LHFPL3: variants seen among roughly 807,000 people sequenced by gnomAD.
LHFPL3 encodes LHFPL tetraspan subfamily member 3.
Under a neutral mutation model 19.3 loss-of-function variants are expected in LHFPL3, and 5 were observed. The observed-to-expected ratio is 0.26, with a 90% confidence interval of 0.14 to 0.54. The LOEUF is 0.54. LHFPL3 is among the 20% of genes least tolerant of loss of function. The probability of loss-of-function intolerance (pLI) is 0.94; values close to 1 mark genes in which losing one functional copy is unlikely to be tolerated. For synonymous variants in LHFPL3, 133 were observed against 126.2 expected (o/e 1.05, Z -0.36); for missense variants, 249 against 307.4 (o/e 0.81, Z 1.42).
intron 1 of LHFPL3, among the ~76,000 whole-genome samples, chr7:104,575,581 A>AAAAAAAAAAAAAAAAAAAAAAAAAAC (rs1790322155): frequency 6.7e-6 from 1 of 149,702 alleles, no homozygotes; most frequent in South Asian, 2.1e-4. Flanking sequence ...AAAAAAAAAA[A>AAAAAAAAAAAAAAAAAAAAAAAAAAC]AAAAACAGAA....
chr7:104,396,803 A>G (rs1791197379), intron 1 of LHFPL3, among the ~76,000 whole-genome samples: 1 of 151,980 alleles, frequency 6.6e-6, no homozygotes, highest in Non-Finnish European at 1.5e-5. Context: ...CCAAAAACAC[A>G]CACACACACA....
At chr7:104,659,336 C>A (rs1792179286) in intron 1 of LHFPL3, among the ~76,000 whole-genome samples, 1 of 152,208 alleles carries the variant, frequency 6.6e-6, no homozygotes, top group African/African-American at 2.4e-5. Flanking sequence ...TCTGCCAGCA[C>A]CTGGAATTTA....
chr7:104,631,027 C>A (rs1357164421), intron 1 of LHFPL3, among the ~76,000 whole-genome samples: 3 of 152,124 alleles, frequency 2.0e-5, no homozygotes, highest in Non-Finnish European at 2.9e-5. Context: ...CCTTTCAGAA[C>A]TTGCTGAAAT....
intron 1 of LHFPL3, among the ~76,000 whole-genome samples, chr7:104,627,146 C>T (rs1051558208): frequency 6.6e-6 from 1 of 152,056 alleles, no homozygotes; most frequent in South Asian, 2.1e-4. Flanking sequence ...ACCCCCGGGC[C>T]CTGGTAACCA....
At chr7:104,677,910 G>A (rs889548344) in intron 1 of LHFPL3, among the ~76,000 whole-genome samples, 5 of 152,126 alleles carry the variant, frequency 3.3e-5, no homozygotes, top group South Asian at 2.1e-4. Flanking sequence ...TTAAATTTAC[G>A]GAACCACGTG....
intron 1 of LHFPL3, among the ~76,000 whole-genome samples, chr7:104,516,798 T>C (rs1266076484): frequency 1.3e-5 from 2 of 152,094 alleles, no homozygotes; most frequent in Non-Finnish European, 2.9e-5. Context: ...TTACTGAATA[T>C]ATACCCAAAG....
chr7:104,823,389 A>C (rs1414312097), intron 2 of LHFPL3, among the ~76,000 whole-genome samples: 1 of 152,240 alleles, frequency 6.6e-6, no homozygotes, highest in Non-Finnish European at 1.5e-5. Context: ...GGACCAGGTG[A>C]TCTCTTAAGG....
At chr7:104,559,766 A>G (rs937400757) in intron 1 of LHFPL3, among the ~76,000 whole-genome samples, 4 of 151,692 alleles carry the variant, frequency 2.6e-5, no homozygotes, top group African/African-American at 9.8e-5. Context: ...GCCAGTTTTC[A>G]GAGGGAATGC....
At chr7:104,338,951 T>C (rs577857812) in intron 1 of LHFPL3, among the ~76,000 whole-genome samples, 1 of 152,274 alleles carries the variant, frequency 6.6e-6, no homozygotes, top group East Asian at 1.9e-4. Context: ...ATTTTCTTGA[T>C]TAAGAAATAA....
intron 1 of LHFPL3, among the ~76,000 whole-genome samples, chr7:104,442,540 A>G (rs1562898901): frequency 6.6e-6 from 1 of 152,174 alleles, no homozygotes; most frequent in Non-Finnish European, 1.5e-5. Flanking sequence ...TTTGTCAACT[A>G]TTATCTTTTC....
rs1468627294 is a variant in LHFPL3 at position 104,417,881 on chromosome 7, C to CT, written c.445+88659dup. Reference sequence around the variant, plus strand: ...AATTCTTCTTCTTCTTCTTCTTCTTCTTCTTTTTTTTTTTTTTTTGAGATG... The same window carrying CT: ...AATTCTTCTTCTTCTTCTTCTTCTTCTTTCTTTTTTTTTTTTTTTTGAGATG... On this transcript the variant is annotated intron_variant, in intron 1 of 2. Coordinates refer to ENST00000424859, the MANE Select transcript of LHFPL3 (RefSeq NM_199000.3). 2.2e-3 allele frequency among the ~76,000 whole-genome samples: 257 copies of CT among 115,436 alleles called. 2 individuals carry two copies. Among genetic ancestry groups the CT allele is most frequent in the African/African-American group, 8.9e-3 (245 of 27,662 alleles). The allele number at this position is 115,436 out of a possible 152,430, so 75.7% of individuals were successfully genotyped here. A position where few individuals can be genotyped will look rare whatever the true frequency, so the allele number is the denominator to read the frequency against.
intron 2 of LHFPL3, among the ~76,000 whole-genome samples, chr7:104,745,923 C>T (rs10233034): frequency 0.3 from 45,479 of 152,040 alleles, 7,557 homozygotes; most frequent in East Asian, 0.67. Context: ...AATGTCCCCT[C>T]TCATCTATAT....
chr7:104,752,039 G>A (rs376740764), intron 2 of LHFPL3, among the ~76,000 whole-genome samples: 3,046 of 152,134 alleles, frequency 0.02, 46 homozygotes, highest in Non-Finnish European at 0.033. Context: ...TTCAGCCGGC[G>A]GCCAGTATTG....
At chr7:104,781,901 G>T (rs77861394) in intron 2 of LHFPL3, among the ~76,000 whole-genome samples, 4 of 152,184 alleles carry the variant, frequency 2.6e-5, no homozygotes, top group Non-Finnish European at 5.9e-5. Flanking sequence ...TGCTTCCTCT[G>T]TCTGCCACTT....
At chr7:104,846,020 G>A (rs985527476) in intron 2 of LHFPL3, among the ~76,000 whole-genome samples, 16 of 152,314 alleles carry the variant, frequency 1.1e-4, no homozygotes, top group East Asian at 3.9e-4. Context: ...ATGGAAACAC[G>A]TATATATGTG....
intron 1 of LHFPL3, among the ~76,000 whole-genome samples, chr7:104,724,220 G>A (rs1278755718): frequency 2.0e-5 from 3 of 152,166 alleles, no homozygotes; most frequent in Non-Finnish European, 4.4e-5. Flanking sequence ...AAGCATTAAT[G>A]TGGAATATAA....
chr7:104,561,400 C>CT (rs1206057675), intron 1 of LHFPL3, among the ~76,000 whole-genome samples: 1 of 150,036 alleles, frequency 6.7e-6, no homozygotes, highest in Non-Finnish European at 1.5e-5. Context: ...GGATAGTTAG[C>CT]TCTTCTTGTT....
intron 1 of LHFPL3, among the ~76,000 whole-genome samples, chr7:104,501,076 C>T (rs1793590930): frequency 6.6e-6 from 1 of 150,792 alleles, no homozygotes; most frequent in Non-Finnish European, 1.5e-5. Flanking sequence ...TAATATATCT[C>T]CAGGGTTTAT....
At chr7:104,518,843 A>G (rs1193494009) in intron 1 of LHFPL3, among the ~76,000 whole-genome samples, 1 of 149,378 alleles carries the variant, frequency 6.7e-6, no homozygotes, top group Non-Finnish European at 1.5e-5. Flanking sequence ...AGATAGATAG[A>G]TAGAATAAAT....
Sources: allele counts gnomAD v4.1 joint callset (sites outside exome capture counted in the v4.1 genomes callset), GRCh38; gene constraint gnomAD v4.1.1; transcripts MANE v1.5; gene names NCBI Gene and HGNC (gene_info 2026-07-23, HGNC 2026-07-21).